The following CHAF1A variants were observed in gnomAD, a reference collection of about 807,000 sequenced individuals.
The protein encoded by CHAF1A is chromatin assembly factor 1 subunit A, also known as CAF-1 subunit A.
In CHAF1A, 5 loss-of-function variants were observed where a neutral mutation model predicts 93.2. The observed-to-expected ratio is 0.05, with a 90% CI of 0.03 to 0.11. The LOEUF (loss-of-function observed/expected upper bound fraction) is 0.11, where lower values mean the gene tolerates loss of function less well. CHAF1A is among the 10% of genes least tolerant of loss of function. The pLI is 1.00. For missense variants in CHAF1A, 1,102 were observed against 1,259.9 expected (o/e 0.87, Z 1.90); for synonymous variants, 504 against 510.3 (o/e 0.99, Z 0.17).
At position 4,433,606 on chromosome 19, in the gene CHAF1A, TTG is replaced by T; in HGVS notation, c.2673+69_2673+70del. On this transcript the variant is annotated intron_variant, in intron 13 of 14. Coordinates refer to ENST00000301280, the MANE Select transcript of CHAF1A (RefSeq NM_005483.3). The surrounding 1 kb of genome is among the most constrained non-coding windows in gnomAD (Gnocchi z 5.6). Reference sequence around the variant, plus strand: ...CTTTTTTTGTTTGTTTTTTGTTGTTTTGTTTTTTTTTCGAGATGGAGTCCTGC... The same window carrying T: ...CTTTTTTTGTTTGTTTTTTGTTGTTTTTTTTTTTTCGAGATGGAGTCCTGC... 7.4e-7 allele frequency: 1 copy of T among 1,346,150 alleles called. No homozygotes were observed. Among genetic ancestry groups the T allele is most frequent in the Non-Finnish European group, 1.0e-6 (1 of 995,824 alleles). The allele number at this position is 1,346,150 out of a possible 1,614,324, so 83.4% of individuals were successfully genotyped here. A position where few individuals can be genotyped will look rare whatever the true frequency, so the allele number is the denominator to read the frequency against.
downstream of CHAF1A, chr19:4,445,762 G>T (rs1599671489): frequency 7.2e-7 from 1 of 1,389,920 alleles, no homozygotes. Flanking sequence ...TCGCACCCAG[G>T]CCTCCTGCCC....
intron 13 of CHAF1A, among the ~76,000 whole-genome samples, chr19:4,435,027 A>C (rs1974256191): frequency 6.7e-6 from 1 of 149,180 alleles, no homozygotes; most frequent in Non-Finnish European, 1.5e-5. Flanking sequence ...CGTTCATTGC[A>C]TACTTTTTGT....
At position 4,415,398 on chromosome 19, in the gene CHAF1A, G is replaced by T. The variant is rs375527813; in HGVS notation, c.961-2622G>T. Among the ~76,000 whole-genome samples the T allele has an allele frequency of 2.2e-4, 34 of 152,282 alleles. No homozygotes were observed. The South Asian group carries it at 5.4e-3, about 24-fold the overall frequency. ...CAGCAGAGGGGGGGCATTGTAAGAG[G>T]CAGGAGATTCTGCAGCTGAGCTTCA... On this transcript the variant is annotated intron_variant, in intron 3 of 14. Transcript: ENST00000301280.
chr19:4,430,251 C>T, intron 10 of CHAF1A: 1 of 370,326 alleles, frequency 2.7e-6, no homozygotes, highest in Non-Finnish European at 5.1e-6. Context: ...GATTTCGGCT[C>T]ACTGCAACCT....
downstream of CHAF1A, chr19:4,446,648 C>G (rs960721436): frequency 1.2e-6 from 2 of 1,612,466 alleles, no homozygotes; most frequent in African/African-American, 2.7e-5. Flanking sequence ...AGCAGCTGTT[C>G]CTTGTGCCTC....
rs140974677 is a variant in CHAF1A at position 4,405,934 on chromosome 19, A to G, written c.75A>G (p.Pro25=). The change falls in exon 2 of 15, where the codon CCA becomes CCG. Residue 25 remains proline (P), a synonymous_variant. Coordinates refer to ENST00000301280, the MANE Select transcript of CHAF1A (RefSeq NM_005483.3). ...CAGCCATGGATTGCAAAGATAGACC[A>G]GCTTTTCCAGTTAAGAAGTTAATAC... The part of the protein sequence containing the change: ...AATAMDCKDR[P]AFPVKKLIQA... The G allele has an allele frequency of 6.2e-7, 1 of 1,613,588 alleles. No homozygotes were observed. The highest frequency in any genetic ancestry group is 1.3e-5 in the African/African-American group (1 of 74,918).
At chr19:4,448,812 G>C (rs1009124201), downstream of CHAF1A, 2 of 223,170 alleles carry the variant, frequency 9.0e-6, no homozygotes, top group South Asian at 6.2e-5. Flanking sequence ...TCCTGCTCTC[G>C]CAGCCCCATG....
downstream of CHAF1A, chr19:4,448,664 A>G (rs754364213): frequency 3.7e-6 from 2 of 541,202 alleles, no homozygotes; most frequent in East Asian, 6.3e-5. Flanking sequence ...TCAAGGCTAG[A>G]TCCATGGGAC....
Position 4,442,995 on chromosome 19 carries a change from C to A in CHAF1A, c.2841C>A (p.Thr947=). The A allele has an allele frequency of 6.3e-7, 1 of 1,599,808 alleles. No homozygotes were observed. Among genetic ancestry groups the A allele is most frequent in the Non-Finnish European group, 8.5e-7 (1 of 1,173,870 alleles). The part of the protein sequence containing the change: ...GGVGVDTGKA[T]LTASPLGAS The stretch of plus-strand genomic sequence containing the variant: ...TGGGGGTGGACACCGGCAAGGCCAC[C>A]CTGACCGCGAGCCCACTGGGTGCAT... The change falls in exon 15 of 15, where the codon ACC becomes ACA. Residue 947 remains threonine, a synonymous_variant. Transcript: ENST00000301280.
At chr19:4,426,457 C>T (rs1231431642) in intron 7 of CHAF1A, among the ~76,000 whole-genome samples, 3 of 151,630 alleles carry the variant, frequency 2.0e-5, no homozygotes, top group African/African-American at 4.8e-5. Flanking sequence ...TGTGAGCCAC[C>T]GTGCCCGGCC....
downstream of CHAF1A, chr19:4,448,304 G>A: frequency 6.3e-7 from 1 of 1,594,426 alleles, no homozygotes; most frequent in Non-Finnish European, 8.5e-7. Flanking sequence ...AGGGCAAAGG[G>A]GCCACACGCT....
chr19:4,407,421 A>C (rs914631006), intron 2 of CHAF1A, among the ~76,000 whole-genome samples: 4 of 151,856 alleles, frequency 2.6e-5, no homozygotes, highest in African/African-American at 9.7e-5. Context: ...AGTTTGATTG[A>C]TGAGAAAAGC....
downstream of CHAF1A, chr19:4,445,739 TGGA>T: frequency 6.7e-7 from 1 of 1,497,470 alleles, no homozygotes; most frequent in African/African-American, 1.4e-5. Context: ...TCTCAGCTGG[TGGA>T]GGCTGTGGCT....
intron 7 of CHAF1A, among the ~76,000 whole-genome samples, chr19:4,424,132 G>A (rs545707906): frequency 8.1e-4 from 123 of 152,320 alleles, no homozygotes; most frequent in African/African-American, 2.8e-3. Flanking sequence ...TTTGTGTTAG[G>A]CGTAAGAGAA....
rs771075286 is a variant in CHAF1A, at chr19:4,409,704, C to G, written c.905C>G (p.Pro302Arg). The G allele has an allele frequency of 1.3e-5, 21 of 1,614,010 alleles. 1 individual carries two copies. In the South Asian group the frequency reaches 2.3e-4, roughly 18 times the overall value. ...STSSPEGPPA[P>R]PKQHSSTSPF... ...AGCTCGCCCGAGGGGCCGCCTGCTC[C>G]CCCAAAGCAGCACAGCAGTACCAGT... The change falls in exon 3 of 15, where the codon CCC becomes CGC. Residue 302 changes from proline to arginine, a missense_variant. By Grantham distance (103) the Pro-to-Arg change is moderately radical. Transcript: ENST00000301280.
chr19:4,429,000 C>A, intron 8 of CHAF1A, 110 bp downstream of exon 8: 1 of 863,532 alleles, frequency 1.2e-6, no homozygotes, highest in Non-Finnish European at 1.8e-6. Context: ...TGCTTGCTTC[C>A]TAGTGCCCTC....
Position 4,433,597 on chromosome 19 carries a change from TTTG to T in CHAF1A, c.2673+64_2673+66del. 2.2e-6 allele frequency: 3 copies of T among 1,386,392 alleles called. No individual in the cohort carries two copies. The highest frequency in any genetic ancestry group is 2.4e-5 in the East Asian group (1 of 42,288). 85.9% of individuals were successfully genotyped at this position (1,386,392 alleles called of 1,614,324 possible). ...AGGGCTTTTCTTTTTTTGTTTGTTTTTTGTTGTTTTGTTTTTTTTTCGAGATGG... is the reference window on the plus strand; with the variant it reads ...AGGGCTTTTCTTTTTTTGTTTGTTTTTTGTTTTGTTTTTTTTTCGAGATGG... On this transcript the variant is annotated intron_variant, in intron 13 of 14. Transcript: ENST00000301280. This position sits in a 1 kb window ranked among gnomAD's most constrained non-coding sequence, Gnocchi z 5.6.
At position 4,402,809 on chromosome 19, in the gene CHAF1A, C is replaced by G; in HGVS notation, c.47C>G (p.Ala16Gly). 1 of 1,204,802 alleles carries G rather than the reference C, an allele frequency of 8.3e-7. No individual in the cohort carries two copies. Among genetic ancestry groups the G allele is most frequent in the African/African-American group, 1.6e-5 (1 of 63,294 alleles). The allele number at this position is 1,204,802 out of a possible 1,614,324, so 74.6% of individuals were successfully genotyped here. The change falls in exon 1 of 15, where the codon GCC becomes GGC. Residue 16 changes from alanine to glycine, a missense_variant. Ala to Gly is a moderately conservative substitution (Grantham distance 60). Around this residue, in one of 6 missense-constraint regions of CHAF1A, gnomAD observed 28 missense variants for 56.5 expected, o/e 0.50. Coordinates refer to ENST00000301280, the MANE Select transcript of CHAF1A (RefSeq NM_005483.3). ...GGGGCGCCCGGCGCCAGGGGAGCCG[C>G]CACAGGTCGGTTCGGGCCCGCGCCG... ...ECGAPGARGA[A>G]TAMDCKDRPA...
chr19:4,446,381 C>T (rs781219649), downstream of CHAF1A: 22 of 1,576,754 alleles, frequency 1.4e-5, no homozygotes, highest in East Asian at 1.8e-4. Flanking sequence ...GGCCTTGGTC[C>T]GCAGCACGCT....
Sources: allele counts gnomAD v4.1 joint callset (sites outside exome capture counted in the v4.1 genomes callset), GRCh38; gene constraint gnomAD v4.1.1; regional missense constraint gnomAD v4.1.1; non-coding constraint Gnocchi (gnomAD v3.1); transcripts MANE v1.5; gene names NCBI Gene and HGNC (gene_info 2026-07-23, HGNC 2026-07-21).